ZNF385B: variants seen among roughly 807,000 people sequenced by gnomAD.
The protein encoded by ZNF385B is zinc finger protein 533.
A neutral mutation model predicts 39.2 loss-of-function variants in ZNF385B; 23 were observed. The observed-to-expected ratio is 0.59, with a 90% CI of 0.42 to 0.83. The LOEUF is 0.83. ZNF385B is among the 40% of genes least tolerant of loss of function. The pLI is 0.00. For synonymous variants in ZNF385B, 205 were observed against 222.6 expected (o/e 0.92, Z 0.70); for missense variants, 552 against 598.9 (o/e 0.92, Z 0.82).
chr2:179,583,939 T>C, intron 3 of ZNF385B: 1 of 1,304,120 alleles, frequency 7.7e-7, no homozygotes, highest in Non-Finnish European at 1.0e-6. Flanking sequence ...AAACCATCCA[T>C]CAACATACCC....
chr2:179,478,335 C>G (rs1490675249), intron 6 of ZNF385B, among the ~76,000 whole-genome samples: 3 of 152,172 alleles, frequency 2.0e-5, no homozygotes, highest in African/African-American at 7.2e-5. Flanking sequence ...ATGTACTATG[C>G]TATTTAGTAT....
intron 3 of ZNF385B, among the ~76,000 whole-genome samples, chr2:179,743,435 A>G (rs1298435239): frequency 6.6e-6 from 1 of 152,090 alleles, no homozygotes; most frequent in African/African-American, 2.4e-5. Flanking sequence ...ATGTGTAATC[A>G]CTTAACCCAG....
intron 3 of ZNF385B, among the ~76,000 whole-genome samples, chr2:179,607,906 CTCTTTT>C (rs1185429261): frequency 8.6e-6 from 1 of 116,782 alleles, no homozygotes; most frequent in Admixed American, 1.2e-4. Context: ...TTCTCAGAAA[CTCTTTT>C]TTTTTTTTTT....
Position 179,861,394 on chromosome 2 carries a change from C to T in ZNF385B, c.-448G>A, listed in dbSNP as rs1368396009. The T allele has an allele frequency of 6.7e-6, 1 of 150,170 alleles. No individual in the cohort carries two copies. 9.3% of individuals were successfully genotyped at this position (150,170 alleles called of 1,614,324 possible). A position where few individuals can be genotyped will look rare whatever the true frequency, so the allele number is the denominator to read the frequency against. ...CGCTGAGCGCCTGCGCACCGGGCCT[C>T]GCCCAGGTGAGGGGCGTGTGCCCGG... On this transcript the variant is annotated 5_prime_UTR_variant, in exon 1 of 10. Coordinates refer to ENST00000410066, the MANE Select transcript of ZNF385B (RefSeq NM_152520.6).
intron 1 of ZNF385B, among the ~76,000 whole-genome samples, chr2:179,851,875 T>C (rs1684188683): frequency 6.6e-6 from 1 of 152,218 alleles, no homozygotes; most frequent in South Asian, 2.1e-4. Flanking sequence ...AGAAATGTGA[T>C]TTCAAGAATC....
intron 4 of ZNF385B, among the ~76,000 whole-genome samples, chr2:179,543,340 T>G (rs1340124746): frequency 6.6e-6 from 1 of 152,112 alleles, no homozygotes; most frequent in African/African-American, 2.4e-5. Context: ...AGTAAGCCAT[T>G]TATGACTACT....
chr2:179,696,818 G>A (rs1312142796), intron 3 of ZNF385B, among the ~76,000 whole-genome samples: 1 of 152,154 alleles, frequency 6.6e-6, no homozygotes, highest in Non-Finnish European at 1.5e-5. Flanking sequence ...ACTAGGTTTG[G>A]AAAGCTTAGT....
At chr2:179,484,436 A>G (rs1392646723) in intron 5 of ZNF385B, among the ~76,000 whole-genome samples, 4 of 152,168 alleles carry the variant, frequency 2.6e-5, no homozygotes, top group African/African-American at 9.6e-5. Flanking sequence ...GACAAATCTT[A>G]TGCAAAGCAA....
chr2:179,528,210 T>A (rs188058416), intron 4 of ZNF385B, among the ~76,000 whole-genome samples: 109 of 152,328 alleles, frequency 7.2e-4, no homozygotes, highest in Non-Finnish European at 1.4e-3. Flanking sequence ...GTCTGTGAGA[T>A]GTCTGCAGAG....
chr2:179,596,134 A>G (rs1380213292), intron 3 of ZNF385B, among the ~76,000 whole-genome samples: 1 of 152,090 alleles, frequency 6.6e-6, no homozygotes, highest in Non-Finnish European at 1.5e-5. Flanking sequence ...TTGGAACAAT[A>G]CCCATTTATT....
chr2:179,644,646 CT>C (rs1692556717), intron 3 of ZNF385B, among the ~76,000 whole-genome samples: 1 of 152,108 alleles, frequency 6.6e-6, no homozygotes, highest in Non-Finnish European at 1.5e-5. Context: ...ATTTTGGCAA[CT>C]TTTTATTCCT....
Position 179,481,319 on chromosome 2 carries a change from G to C in ZNF385B, c.715+1953C>G, listed in dbSNP as rs1264375308. Among the ~76,000 whole-genome samples, 2 of 151,736 alleles carry C rather than the reference G, an allele frequency of 1.3e-5. 1 individual carries two copies. Among genetic ancestry groups the C allele is most frequent in the South Asian group, 4.1e-4 (2 of 4,820 alleles). On this transcript the variant is annotated intron_variant, in intron 6 of 9. Coordinates refer to ENST00000410066, the MANE Select transcript of ZNF385B (RefSeq NM_152520.6). ...ATAAGGCATGCTGTAACTATAATCCGGGCCCCTTTATTTCGATTTTCTATT... is the reference window on the plus strand; with the variant it reads ...ATAAGGCATGCTGTAACTATAATCCCGGCCCCTTTATTTCGATTTTCTATT...
intron 3 of ZNF385B, among the ~76,000 whole-genome samples, chr2:179,699,162 C>T (rs1357399820): frequency 6.6e-6 from 1 of 151,802 alleles, no homozygotes; most frequent in African/African-American, 2.4e-5. Flanking sequence ...TTTAAATGTA[C>T]AGTGCAATGG....
intron 3 of ZNF385B, among the ~76,000 whole-genome samples, chr2:179,714,955 A>AC (rs1553516049): frequency 6.6e-6 from 1 of 151,206 alleles, no homozygotes; most frequent in African/African-American, 2.4e-5. Context: ...AAAAAAAAAA[A>AC]AAAAAACAGT....
At chr2:179,755,685 A>G (rs1702968718) in intron 3 of ZNF385B, among the ~76,000 whole-genome samples, 1 of 152,136 alleles carries the variant, frequency 6.6e-6, no homozygotes, top group Non-Finnish European at 1.5e-5. Context: ...ACCATTATGT[A>G]ATGGCCTTCT....
At chr2:179,840,505 G>A (rs566011000) in intron 1 of ZNF385B, among the ~76,000 whole-genome samples, 1 of 152,250 alleles carries the variant, frequency 6.6e-6, no homozygotes, top group African/African-American at 2.4e-5. Flanking sequence ...TGAAAGCTAG[G>A]AGACCATTTA....
chr2:179,567,260 GAA>G (rs916243229), intron 3 of ZNF385B, among the ~76,000 whole-genome samples: 1 of 152,046 alleles, frequency 6.6e-6, no homozygotes, highest in Non-Finnish European at 1.5e-5. Flanking sequence ...CTAGTCATCT[GAA>G]TTGCAATTTT....
chr2:179,849,084 G>A (rs529093622), intron 1 of ZNF385B, among the ~76,000 whole-genome samples: 1 of 152,196 alleles, frequency 6.6e-6, no homozygotes, highest in African/African-American at 2.4e-5. Context: ...GCCTAAGGCC[G>A]TACAGCAGGG....
chr2:179,605,242 T>C (rs144991441), intron 3 of ZNF385B, among the ~76,000 whole-genome samples: 27 of 151,088 alleles, frequency 1.8e-4, no homozygotes, highest in African/African-American at 6.3e-4. Flanking sequence ...AGAAACATGA[T>C]TTTTTTTTCA....
Sources: gnomAD v4.1 joint callset for allele counts (sites outside exome capture counted in the v4.1 genomes callset) on GRCh38, gnomAD v4.1.1 for gene constraint, MANE v1.5 for transcripts, NCBI Gene and HGNC (gene_info 2026-07-23, HGNC 2026-07-21) for gene names.